NBEA: variants seen among roughly 807,000 people sequenced by gnomAD.
NBEA encodes the protein neurobeachin, also known as lysosomal-trafficking regulator 2.
A neutral mutation model predicts 343.4 loss-of-function variants in NBEA; 44 were observed. The observed-to-expected ratio is 0.13, with a 90% CI of 0.10 to 0.16. The LOEUF is 0.16. NBEA is among the 10% of genes least tolerant of loss of function. NBEA has a pLI of 1.00. For missense variants in NBEA, 2,555 were observed against 3,631.3 expected, an observed-to-expected ratio of 0.70 and a Z score of 7.62; for synonymous variants, 1,175 against 1,238.7, an observed-to-expected ratio of 0.95 and a Z score of 1.08.
chr13:35,629,970 C>T lies in NBEA; in HGVS notation c.7617+1722C>T, dbSNP rs1236538864. ...TTGGATATTTTGTTATACATTTTTA[C>T]CCATTATAATAAAGTCCTGTTCTTA... On this transcript the variant is annotated intron_variant, in intron 49 of 58. Transcript: ENST00000379939. Among the ~76,000 whole-genome samples the T allele has an allele frequency of 4.6e-5, 7 of 152,036 alleles. No individual in the cohort carries two copies. In the East Asian group the frequency reaches 1.3e-3, roughly 29 times the overall value.
intron 34 of NBEA, among the ~76,000 whole-genome samples, chr13:35,237,847 T>G (rs1166769755): frequency 6.6e-6 from 1 of 152,236 alleles, no homozygotes; most frequent in Non-Finnish European, 1.5e-5. Flanking sequence ...TATGGGATAA[T>G]TAATCCTTGG....
chr13:35,460,843 T>C (rs1298700052), intron 40 of NBEA, among the ~76,000 whole-genome samples: 1 of 152,234 alleles, frequency 6.6e-6, no homozygotes, highest in South Asian at 2.1e-4. Flanking sequence ...ACTTATTTTA[T>C]ACAGTCATGG....
chr13:35,062,004 C>A (rs2063484956), intron 8 of NBEA, among the ~76,000 whole-genome samples: 3 of 151,484 alleles, frequency 2.0e-5, no homozygotes, highest in East Asian at 1.9e-4. Context: ...AGCATATAAT[C>A]CCAAAGTATT....
chr13:35,410,226 A>G (rs1361666717), intron 38 of NBEA, among the ~76,000 whole-genome samples: 1 of 152,144 alleles, frequency 6.6e-6, no homozygotes, highest in Non-Finnish European at 1.5e-5. Flanking sequence ...TAGCAATCAC[A>G]TGGAGAAGGC....
At chr13:35,225,230 G>A (rs2074586390) in intron 33 of NBEA, among the ~76,000 whole-genome samples, 1 of 152,066 alleles carries the variant, frequency 6.6e-6, no homozygotes, top group Admixed American at 6.6e-5. Context: ...GATCTTGAAG[G>A]TAGGGCTTTT....
intron 38 of NBEA, among the ~76,000 whole-genome samples, chr13:35,369,467 T>G (rs958800079): frequency 7.9e-5 from 12 of 151,922 alleles, no homozygotes; most frequent in African/African-American, 2.9e-4. Flanking sequence ...ATCTGTAGAT[T>G]GCTTTGAATA....
intron 41 of NBEA, among the ~76,000 whole-genome samples, chr13:35,530,858 A>G (rs1362513135): frequency 6.6e-6 from 1 of 152,204 alleles, no homozygotes; most frequent in Non-Finnish European, 1.5e-5. Flanking sequence ...ATCATTACTA[A>G]CAGTCTACAC....
At chr13:35,155,548 C>T (rs1243879249) in intron 18 of NBEA, among the ~76,000 whole-genome samples, 1 of 152,070 alleles carries the variant, frequency 6.6e-6, no homozygotes, top group East Asian at 1.9e-4. Flanking sequence ...TCACTTGAAC[C>T]CATGAGGTGG....
chr13:35,424,387 T>G (rs1322996258), intron 38 of NBEA, among the ~76,000 whole-genome samples: 1 of 152,222 alleles, frequency 6.6e-6, no homozygotes, highest in Non-Finnish European at 1.5e-5. Context: ...AAAGGCCTTT[T>G]CTTCATCTAT....
chr13:35,456,337 T>C (rs1415736304), intron 40 of NBEA, among the ~76,000 whole-genome samples: 1 of 152,060 alleles, frequency 6.6e-6, no homozygotes, highest in Admixed American at 6.5e-5. Context: ...CAATTTATTA[T>C]GTATTGTAGC....
At chr13:35,262,395 A>G (rs1369403378) in intron 34 of NBEA, among the ~76,000 whole-genome samples, 4 of 152,232 alleles carry the variant, frequency 2.6e-5, no homozygotes, top group Non-Finnish European at 5.9e-5. Context: ...CACATCAGTT[A>G]TTGGTGTAAT....
At position 35,159,429 on chromosome 13, in the gene NBEA, T is replaced by C. The variant is rs767025159; in HGVS notation, c.3258T>C (p.Asn1086=). ...CGGAGACTTTAGTAGGTGGAGAGAA[T>C]GGTGCCCTTGTGGAGGTTGAATCTC... ...LSPETLVGGE[N]GALVEVESLL... Residue 1086 remains asparagine, a synonymous_variant, in exon 22 of 59, where the codon AAT becomes AAC. Transcript: ENST00000379939. The C allele has an allele frequency of 1.2e-6, 2 of 1,613,476 alleles. No individual in the cohort carries two copies. The highest frequency in any genetic ancestry group is 2.7e-5 in the African/African-American group (2 of 75,012).
chr13:35,559,867 C>T (rs550639383), intron 44 of NBEA, among the ~76,000 whole-genome samples: 1 of 147,312 alleles, frequency 6.8e-6, no homozygotes, highest in East Asian at 2.0e-4. Flanking sequence ...GGAGGCGGAG[C>T]TTGCAGGGAG....
chr13:35,432,093 G>T (rs2045152927), intron 38 of NBEA, among the ~76,000 whole-genome samples, 176 bp from the exon 39 acceptor site: 1 of 149,078 alleles, frequency 6.7e-6, no homozygotes, highest in Non-Finnish European at 1.5e-5. Context: ...ACTTGTAGAG[G>T]AAATATATAT....
At chr13:35,267,173 C>T (rs1266776925) in intron 34 of NBEA, among the ~76,000 whole-genome samples, 1 of 151,630 alleles carries the variant, frequency 6.6e-6, no homozygotes. Flanking sequence ...GAATAAAATC[C>T]ATATATAAGT....
At chr13:35,590,733 T>C (rs2081498493) in intron 46 of NBEA, among the ~76,000 whole-genome samples, 1 of 152,146 alleles carries the variant, frequency 6.6e-6, no homozygotes, top group Non-Finnish European at 1.5e-5. Context: ...CTCTGCCCAC[T>C]ACCTACAGTG....
intron 33 of NBEA, among the ~76,000 whole-genome samples, chr13:35,213,251 T>C (rs1347374580): frequency 1.3e-5 from 2 of 152,078 alleles, no homozygotes; most frequent in Non-Finnish European, 2.9e-5. Flanking sequence ...CTGTCACTTT[T>C]GTCACAAATT....
intron 41 of NBEA, chr13:35,475,166 C>T: frequency 6.2e-7 from 1 of 1,614,044 alleles, no homozygotes. Context: ...TGAAACAGAT[C>T]TAAGTTCGGT....
At chr13:34,982,019 CAAAG>C (rs1424322215) in intron 1 of NBEA, among the ~76,000 whole-genome samples, 1 of 151,560 alleles carries the variant, frequency 6.6e-6, no homozygotes, top group African/African-American at 2.4e-5. Flanking sequence ...TTATTAATTT[CAAAG>C]AAAGAAATTT....
Sources: gnomAD v4.1 joint callset for allele counts (sites outside exome capture counted in the v4.1 genomes callset) on GRCh38, gnomAD v4.1.1 for gene constraint, MANE v1.5 for transcripts, NCBI Gene and HGNC (gene_info 2026-07-23, HGNC 2026-07-21) for gene names.